SMARCC1: variants seen among roughly 807,000 people sequenced by gnomAD.
SMARCC1 encodes the protein SWI/SNF related BAF chromatin remodeling complex subunit C1, also known as SWI/SNF complex subunit SMARCC1.
In SMARCC1, 43 loss-of-function variants were observed where a neutral mutation model predicts 147.4. The observed-to-expected ratio is 0.29, with a 90% confidence interval of 0.23 to 0.38. The LOEUF (loss-of-function observed/expected upper bound fraction) is 0.38. Ranked by LOEUF, SMARCC1 falls within the 10% of genes least tolerant of loss-of-function variation. SMARCC1 has a pLI of 1.00. For synonymous variants in SMARCC1, 495 were observed against 484.4 expected, an observed-to-expected ratio of 1.02 and a Z score of -0.29; for missense variants, 1,119 against 1,381.1, an observed-to-expected ratio of 0.81 and a Z score of 3.01.
chr3:47,663,458 C>T (rs952578523), intron 19 of SMARCC1, among the ~76,000 whole-genome samples: 1 of 152,024 alleles, frequency 6.6e-6, no homozygotes, highest in Admixed American at 6.5e-5. Flanking sequence ...TTTAAAATAA[C>T]ATAAAAGCTG....
chr3:47,703,494 T>A (rs115368697), intron 10 of SMARCC1, among the ~76,000 whole-genome samples: 1 of 152,186 alleles, frequency 6.6e-6, no homozygotes, highest in Admixed American at 6.5e-5. Context: ...CAAGATCTTG[T>A]CTGGCAAAAA....
intron 26 of SMARCC1, among the ~76,000 whole-genome samples, chr3:47,602,167 T>C (rs977853320): frequency 1.9e-4 from 29 of 152,118 alleles, no homozygotes; most frequent in African/African-American, 6.8e-4. Flanking sequence ...AGCACATGCC[T>C]GTAAGTCCCA....
At chr3:47,689,290 T>C in intron 13 of SMARCC1, 97 bp downstream of exon 13, 1 of 992,330 alleles carries the variant, frequency 1.0e-6, no homozygotes, top group Non-Finnish European at 1.6e-6. Flanking sequence ...GGCTTCATAG[T>C]CCAAAAATTG....
intron 26 of SMARCC1, chr3:47,604,065 A>C (rs1204254215): frequency 8.8e-6 from 4 of 456,660 alleles, no homozygotes; most frequent in Non-Finnish European, 1.3e-5. Flanking sequence ...GGGCTGAAGA[A>C]CTTACAGAGG....
chr3:47,720,117 T>A, intron 7 of SMARCC1, among the ~76,000 whole-genome samples: 1 of 151,978 alleles, frequency 6.6e-6, no homozygotes, highest in East Asian at 1.9e-4. Flanking sequence ...ATAAAAGATA[T>A]GAGGTTTTGT....
At chr3:47,637,711 CAA>C (rs57257628) in intron 22 of SMARCC1, among the ~76,000 whole-genome samples, 4 of 143,636 alleles carry the variant, frequency 2.8e-5, no homozygotes, top group Admixed American at 7.0e-5. Context: ...GACTCTGTCT[CAA>C]AAAAAAAAAA....
chr3:47,766,047 AAGTGCAATGAC>A, intron 2 of SMARCC1, among the ~76,000 whole-genome samples: 1 of 152,106 alleles, frequency 6.6e-6, no homozygotes, highest in East Asian at 1.9e-4. Flanking sequence ...TGATTTTTTT[AAGTGCAATGAC>A]AGGTTTACAA....
intron 13 of SMARCC1, among the ~76,000 whole-genome samples, chr3:47,686,521 C>A (rs189489818): frequency 5.9e-5 from 9 of 152,304 alleles, no homozygotes; most frequent in Admixed American, 5.9e-4. Flanking sequence ...TAGCTTGCTT[C>A]TTCCTTGTCC....
chr3:47,609,424 G>A (rs2032529797), intron 26 of SMARCC1, among the ~76,000 whole-genome samples: 1 of 152,062 alleles, frequency 6.6e-6, no homozygotes, highest in South Asian at 2.1e-4. Flanking sequence ...ATGAACCCAG[G>A]AGGCGGAGCT....
chr3:47,673,176 G>A (rs1395588104), intron 18 of SMARCC1, among the ~76,000 whole-genome samples: 1 of 151,776 alleles, frequency 6.6e-6, no homozygotes, highest in Non-Finnish European at 1.5e-5. Context: ...TGGAGCTCAG[G>A]AGTTCAAGAC....
chr3:47,679,714 T>C (rs1489559194), intron 15 of SMARCC1, among the ~76,000 whole-genome samples: 1 of 151,784 alleles, frequency 6.6e-6, no homozygotes, highest in African/African-American at 2.4e-5. Context: ...ATACAAAAAT[T>C]AGCCAGGTGT....
At position 47,670,654 on chromosome 3, in the gene SMARCC1, T is replaced by C; in HGVS notation, c.1899+4A>G. On this transcript the variant is annotated splice_donor_region_variant and intron_variant, in intron 19 of 27. Transcript: ENST00000254480. ...ACACATCCCATATGCATTAATCTGC[T>C]TACCTCCAGGAGTAGAAGGGTCTCC... is the stretch of plus-strand genomic sequence containing the variant. The C allele has an allele frequency of 6.5e-7, 1 of 1,531,358 alleles. No individual in the cohort carries two copies. The highest frequency in any genetic ancestry group is 9.1e-7 in the Non-Finnish European group (1 of 1,104,266). The allele number at this position is 1,531,358 out of a possible 1,614,324, so 94.9% of individuals were successfully genotyped here.
chr3:47,776,571 C>G (rs533325093), intron 1 of SMARCC1, among the ~76,000 whole-genome samples: 2 of 152,268 alleles, frequency 1.3e-5, no homozygotes, highest in Middle Eastern at 3.4e-3. Context: ...GCCACGCACT[C>G]CAGCCTGGGT....
chr3:47,663,198 TGGGGA>T (rs1425054351), intron 19 of SMARCC1, among the ~76,000 whole-genome samples: 5 of 10,288 alleles, frequency 4.9e-4, no homozygotes, highest in African/African-American at 1.2e-3. Context: ...AGGGGAGGGG[TGGGGA>T]GGGGAGGGGA....
At chr3:47,660,073 CA>C (rs2033323840) in intron 21 of SMARCC1, among the ~76,000 whole-genome samples, 3 of 151,960 alleles carry the variant, frequency 2.0e-5, no homozygotes, top group Admixed American at 2.0e-4. Context: ...TACACCCAAC[CA>C]AAAGAAGTGA....
chr3:47,630,887 A>G (rs904946077), intron 24 of SMARCC1, among the ~76,000 whole-genome samples: 2 of 151,982 alleles, frequency 1.3e-5, no homozygotes, highest in Admixed American at 1.3e-4. Flanking sequence ...ATATAGGGAG[A>G]CCCCGTCTCT....
chr3:47,625,200 C>T (rs2032791026), intron 24 of SMARCC1, among the ~76,000 whole-genome samples: 2 of 150,586 alleles, frequency 1.3e-5, no homozygotes, highest in African/African-American at 4.9e-5. Context: ...TGGCTCATGC[C>T]TGTAATCCCA....
At chr3:47,704,133 G>A (rs1211610726) in intron 10 of SMARCC1, among the ~76,000 whole-genome samples, 1 of 152,026 alleles carries the variant, frequency 6.6e-6, no homozygotes, top group African/African-American at 2.4e-5. Flanking sequence ...AGGAAGGAGA[G>A]TACACTTGGA....
At chr3:47,655,816 C>A (rs2033253385) in intron 21 of SMARCC1, among the ~76,000 whole-genome samples, 1 of 151,988 alleles carries the variant, frequency 6.6e-6, no homozygotes, top group African/African-American at 2.4e-5. Flanking sequence ...CAAAATGACA[C>A]CTATAGTTCT....
Sources: gnomAD v4.1 joint callset for allele counts (sites outside exome capture counted in the v4.1 genomes callset) on GRCh38, gnomAD v4.1.1 for gene constraint, MANE v1.5 for transcripts, NCBI Gene and HGNC (gene_info 2026-07-23, HGNC 2026-07-21) for gene names.